AMPD3: variants seen among roughly 807,000 people sequenced by gnomAD.
AMPD3 encodes AMP deaminase 3.
Under a neutral mutation model 82.3 loss-of-function variants are expected in AMPD3, and 57 were observed. The observed-to-expected ratio is 0.69, with a 90% CI of 0.56 to 0.86. The LOEUF (loss-of-function observed/expected upper bound fraction) is 0.86, where lower values mean the gene tolerates loss of function less well. Ranked by LOEUF, AMPD3 falls within the 40% of genes least tolerant of loss-of-function variation. The probability of loss-of-function intolerance (pLI) is 0.00; values close to 1 mark genes in which losing one functional copy is unlikely to be tolerated. For synonymous variants in AMPD3, 381 were observed against 394.7 expected (o/e 0.97, Z 0.41); for missense variants, 870 against 1,003.8 (o/e 0.87, Z 1.80).
intron 2 of AMPD3, among the ~76,000 whole-genome samples, chr11:10,463,996 C>T (rs915631409): frequency 6.6e-6 from 1 of 152,198 alleles, no homozygotes; most frequent in Non-Finnish European, 1.5e-5. Flanking sequence ...TTCTGCCACT[C>T]ACTGTCATGC....
upstream of AMPD3, chr11:10,455,016 G>A (rs891429723): frequency 9.2e-6 from 4 of 434,332 alleles, no homozygotes; most frequent in Admixed American, 2.6e-4. Flanking sequence ...ATACTGCTCT[G>A]TGCACACAGG....
intron 6 of AMPD3, among the ~76,000 whole-genome samples, chr11:10,487,711 G>C (rs1176989547): frequency 6.6e-6 from 1 of 152,190 alleles, no homozygotes; most frequent in Non-Finnish European, 1.5e-5. Flanking sequence ...GGATGTATTA[G>C]AGTCATCAAA....
At chr11:10,461,463 G>A in intron 1 of AMPD3, 52 bp from the exon 2 acceptor site, 2 of 1,612,908 alleles carry the variant, frequency 1.2e-6, no homozygotes, top group Non-Finnish European at 1.7e-6. Context: ...CTCTTCCCCG[G>A]TGCTGGTGAC....
At chr11:10,450,469 C>G (rs1847932461), upstream of AMPD3, 2 of 985,540 alleles carry the variant, frequency 2.0e-6, no homozygotes, top group African/African-American at 1.7e-5. Flanking sequence ...CCGAGACCCC[C>G]AGAGTCTCGC....
Position 10,496,869 on chromosome 11 carries a change from C to T in AMPD3, c.1488C>T (p.Ile496=). The change falls in exon 10 of 15, where the codon ATC becomes ATT. Residue 496 remains isoleucine (I), a synonymous_variant. Transcript: ENST00000396553. ...LPNFGKMLEN[I]FLPLFKATIN... is the part of the protein sequence containing the mutation. ...ACTTTGGGAAGATGCTGGAGAACAT[C>T]TTCCTGCCCCTTTTCAAGGCCACTA... 1 of 1,614,148 alleles carries T rather than the reference C, an allele frequency of 6.2e-7. No individual in the cohort carries two copies. Among genetic ancestry groups the T allele is most frequent in the Non-Finnish European group, 8.5e-7 (1 of 1,179,998 alleles).
chr11:10,478,632 A>G lies in AMPD3; in HGVS notation c.328A>G (p.Thr110Ala). Residue 110 changes from threonine (T) to alanine (A), a missense_variant, in exon 3 of 15, where the codon ACC becomes GCC. Transcript: ENST00000396553. ...AGCCAGTCCGGCCATGTCTCCCACA[A>G]CCCCTGTGGTCACTGGAGCCACTTC... ...PAASPAMSPT[T>A]PVVTGATSLP... is the part of the protein sequence containing the mutation. 6 of 1,613,976 alleles carry G rather than the reference A, an allele frequency of 3.7e-6. No homozygotes were observed. Among genetic ancestry groups the G allele is most frequent in the South Asian group, 1.1e-5 (1 of 91,064 alleles).
At chr11:10,450,717 GGC>G (rs1847938523), upstream of AMPD3, 6 of 1,102,856 alleles carry the variant, frequency 5.4e-6, no homozygotes, top group Non-Finnish European at 6.6e-6. Context: ...GCGCGGCCCG[GGC>G]GCTTCAGGTA....
chr11:10,471,727 C>T (rs1848596809), intron 2 of AMPD3, among the ~76,000 whole-genome samples: 1 of 152,184 alleles, frequency 6.6e-6, no homozygotes, highest in Non-Finnish European at 1.5e-5. Context: ...TAGAGAAATG[C>T]AAATGAAAAC....
At position 10,456,205 on chromosome 11, in the gene AMPD3, G is replaced by A; in HGVS notation, c.-6+757G>A. 1 of 1,437,642 alleles carries A rather than the reference G, an allele frequency of 7.0e-7. No individual in the cohort carries two copies. Among genetic ancestry groups the A allele is most frequent in the South Asian group, 1.6e-5 (1 of 64,246 alleles). The allele number at this position is 1,437,642 out of a possible 1,614,324, so 89.1% of individuals were successfully genotyped here. On this transcript the variant is annotated intron_variant, in intron 1 of 14. Transcript: ENST00000396553. The surrounding 1 kb of genome is among the most constrained non-coding windows in gnomAD (Gnocchi z 4.3). ...TTTCATATTCACGAGAGAATTTCCA[G>A]CCCAGGCTTTTCCTGCTCTGGCTCA... is the stretch of plus-strand genomic sequence containing the variant.
chr11:10,491,681 G>A (rs1849243927), intron 6 of AMPD3, among the ~76,000 whole-genome samples: 1 of 152,200 alleles, frequency 6.6e-6, no homozygotes, highest in South Asian at 2.1e-4. Flanking sequence ...GAAGGGAGTA[G>A]TAGGAAGGCC....
chr11:10,456,065 T>C lies in AMPD3; in HGVS notation c.-6+617T>C. 8 of 1,090,946 alleles carry C rather than the reference T, an allele frequency of 7.3e-6. No individual in the cohort carries two copies. Among genetic ancestry groups the C allele is most frequent in the Non-Finnish European group, 8.9e-6 (8 of 896,626 alleles). The allele number at this position is 1,090,946 out of a possible 1,614,324, so 67.6% of individuals were successfully genotyped here. ...AGGAAGCCGCCGCTTTAGTTTCCTC[T>C]TGTGAGGGCTGTGAAGAGGGCCAGG... is the stretch of plus-strand genomic sequence containing the variant. On this transcript the variant is annotated intron_variant, in intron 1 of 14. Transcript: ENST00000396553. The surrounding 1 kb of genome is among the most constrained non-coding windows in gnomAD (Gnocchi z 4.3).
intron 2 of AMPD3, among the ~76,000 whole-genome samples, chr11:10,468,594 A>G (rs1848490628): frequency 6.6e-6 from 1 of 152,238 alleles, no homozygotes; most frequent in Non-Finnish European, 1.5e-5. Flanking sequence ...CCCCATTGTG[A>G]ATATTAGACA....
At chr11:10,470,746 A>G (rs1426985893) in intron 2 of AMPD3, among the ~76,000 whole-genome samples, 1 of 152,200 alleles carries the variant, frequency 6.6e-6, no homozygotes, top group Non-Finnish European at 1.5e-5. Context: ...TAGGAATCCA[A>G]CTTACAAGGG....
chr11:10,450,743 C>G (rs1847939021), upstream of AMPD3: 11 of 1,140,798 alleles, frequency 9.6e-6, no homozygotes, highest in Non-Finnish European at 1.2e-5. Flanking sequence ...TCTCGGCTCT[C>G]TCTGCTCCGC....
Position 10,482,217 on chromosome 11 carries a change from G to A in AMPD3, c.581G>A (p.Gly194Asp). 1 of 1,611,878 alleles carries A rather than the reference G, an allele frequency of 6.2e-7. No homozygotes were observed. The highest frequency in any genetic ancestry group is 8.5e-7 in the Non-Finnish European group (1 of 1,179,354). Residue 194 changes from glycine (G) to aspartate (D), a missense_variant, in exon 4 of 15, where the codon GGC becomes GAC. Physicochemically the swap from Gly to Asp is moderately conservative, Grantham distance 94. Transcript: ENST00000396553. Reference protein sequence around the residue: ...PRADTAPPEEGLPDFHPPPLP... With the variant: ...PRADTAPPEEDLPDFHPPPLP... ...GCGGATACTGCACCTCCGGAAGAGG[G>A]CCTTCCAGGTATGGAGCTCTGGCTG...
chr11:10,467,649 T>C (rs1412459762), intron 2 of AMPD3, among the ~76,000 whole-genome samples: 1 of 152,086 alleles, frequency 6.6e-6, no homozygotes, highest in Non-Finnish European at 1.5e-5. Flanking sequence ...AACATTCAAA[T>C]TCAGGAAATA....
At chr11:10,460,037 A>G (rs943882359) in intron 1 of AMPD3, among the ~76,000 whole-genome samples, 6 of 146,096 alleles carry the variant, frequency 4.1e-5, no homozygotes, top group Non-Finnish European at 8.9e-5. Flanking sequence ...GTATACATAT[A>G]TAAAATATAT....
chr11:10,488,844 G>A (rs1849156982), intron 6 of AMPD3, among the ~76,000 whole-genome samples: 1 of 152,158 alleles, frequency 6.6e-6, no homozygotes, highest in Non-Finnish European at 1.5e-5. Context: ...TAGGCCAGGG[G>A]AGGATGTGGC....
chr11:10,462,528 G>A (rs1014596906), intron 2 of AMPD3, among the ~76,000 whole-genome samples: 8 of 152,202 alleles, frequency 5.3e-5, no homozygotes, highest in African/African-American at 1.9e-4. Flanking sequence ...CAGAGATGGA[G>A]GCAGGCAATA....
Sources: gnomAD v4.1 joint callset for allele counts (sites outside exome capture counted in the v4.1 genomes callset) on GRCh38, gnomAD v4.1.1 for gene constraint, Gnocchi (gnomAD v3.1) non-coding constraint, MANE v1.5 for transcripts, NCBI Gene and HGNC (gene_info 2026-07-23, HGNC 2026-07-21) for gene names.